RGL1: variants seen among roughly 807,000 people sequenced by gnomAD.
RGL1 encodes ral guanine nucleotide dissociation stimulator-like 1.
RGL1 carries 24 observed loss-of-function variants against 95.2 expected under a neutral mutation model. That is an observed-to-expected ratio of 0.25 (90% CI 0.18 to 0.35). RGL1 has a LOEUF of 0.35. Ranked by LOEUF, RGL1 falls within the 10% of genes least tolerant of loss-of-function variation. The pLI, the probability that RGL1 is intolerant of heterozygous loss-of-function variation, is 1.00. For synonymous variants in RGL1, 329 were observed against 344.9 expected (o/e 0.95, Z 0.51); for missense variants, 715 against 936.3 (o/e 0.76, Z 3.08).
chr1:183,880,591 G>A (rs907495200), intron 4 of RGL1, 25 bp from the exon 5 acceptor site: 2 of 1,610,638 alleles, frequency 1.2e-6, no homozygotes, highest in Non-Finnish European at 1.7e-6. Context: ...GTTGGGTGCA[G>A]TGACTCTCCA....
At chr1:183,718,236 A>G (rs1655758665) in intron 1 of RGL1, among the ~76,000 whole-genome samples, 2 of 149,074 alleles carry the variant, frequency 1.3e-5, no homozygotes, top group African/African-American at 4.9e-5. Flanking sequence ...TTGGTCTCAA[A>G]AAAAAAAAAA....
At chr1:183,809,846 ACTTGGGAGG>A (rs1289641544) in intron 2 of RGL1, among the ~76,000 whole-genome samples, 4 of 152,162 alleles carry the variant, frequency 2.6e-5, no homozygotes, top group South Asian at 4.1e-4. Flanking sequence ...AGTCCCAGCT[ACTTGGGAGG>A]CTGAGGTGGG....
intron 2 of RGL1, chr1:183,742,387 C>A: frequency 7.0e-7 from 1 of 1,422,978 alleles, no homozygotes; most frequent in Non-Finnish European, 9.8e-7. Flanking sequence ...GCCAGCTTGG[C>A]AAATCTTTAT....
intron 2 of RGL1, among the ~76,000 whole-genome samples, chr1:183,842,883 G>A (rs919657593): frequency 1.3e-5 from 2 of 152,168 alleles, no homozygotes; most frequent in African/African-American, 4.8e-5. Context: ...AGACCTATAG[G>A]AATCTTTTCT....
intron 3 of RGL1, among the ~76,000 whole-genome samples, chr1:183,853,844 G>T (rs1037176616): frequency 4.0e-5 from 6 of 151,560 alleles, no homozygotes; most frequent in Non-Finnish European, 7.4e-5. Flanking sequence ...ACCCTTTTTT[G>T]GGAATCCTTT....
At chr1:183,713,316 G>C (rs1655404341) in intron 1 of RGL1, among the ~76,000 whole-genome samples, 1 of 150,198 alleles carries the variant, frequency 6.7e-6, no homozygotes, top group Non-Finnish European at 1.5e-5. Flanking sequence ...ACTGCACCTG[G>C]CTGGGATGGA....
At chr1:183,772,892 C>A (rs1045459754) in intron 2 of RGL1, among the ~76,000 whole-genome samples, 1 of 150,980 alleles carries the variant, frequency 6.6e-6, no homozygotes, top group Non-Finnish European at 1.5e-5. Flanking sequence ...GCCTGTAGTC[C>A]CAGCTACTGG....
At chr1:183,866,398 G>A (rs1352290573) in intron 4 of RGL1, among the ~76,000 whole-genome samples, 1 of 152,202 alleles carries the variant, frequency 6.6e-6, no homozygotes, top group African/African-American at 2.4e-5. Context: ...AAGTGAAGAA[G>A]AATGAAGCAG....
Position 183,657,076 on chromosome 1 carries a change from A to C in RGL1, c.-33+20575A>C, listed in dbSNP as rs189003386. 5.2e-3 allele frequency among the ~76,000 whole-genome samples: 794 copies of C among 151,700 alleles called. 6 individuals are homozygous for C. The highest frequency in any genetic ancestry group is 0.018 in the African/African-American group (749 of 41,452). On this transcript the variant is annotated intron_variant, in intron 1 of 18. Transcript: ENST00000304685. ...TTTTGTAGTTCCATATGAATTTTAG[A>C]ATTTTTTTTATTTCTGTGAAAAATG...
intron 13 of RGL1, among the ~76,000 whole-genome samples, chr1:183,906,235 C>T (rs1370101268): frequency 1.3e-5 from 2 of 152,170 alleles, no homozygotes; most frequent in Non-Finnish European, 2.9e-5. Flanking sequence ...ATGTTGGGCA[C>T]CCTTCCCCAC....
intron 4 of RGL1, among the ~76,000 whole-genome samples, chr1:183,876,092 T>C (rs1246342416): frequency 2.0e-5 from 3 of 152,108 alleles, no homozygotes; most frequent in African/African-American, 7.2e-5. Flanking sequence ...AGGGAGATCC[T>C]CCCTAAAGCC....
upstream of RGL1, among the ~76,000 whole-genome samples, chr1:183,803,514 T>C (rs1156687999): frequency 3.3e-5 from 5 of 152,174 alleles, no homozygotes; most frequent in African/African-American, 1.2e-4. Flanking sequence ...AGCCAGGGAA[T>C]TGGAGTACAG....
At chr1:183,727,201 A>G (rs1558174878) in intron 1 of RGL1, among the ~76,000 whole-genome samples, 1 of 152,206 alleles carries the variant, frequency 6.6e-6, no homozygotes, top group Non-Finnish European at 1.5e-5. Context: ...AGGTTGCTTA[A>G]CATTACAAAA....
At chr1:183,784,931 A>C (rs932322601) in intron 2 of RGL1, among the ~76,000 whole-genome samples, 6 of 152,186 alleles carry the variant, frequency 3.9e-5, no homozygotes, top group African/African-American at 1.4e-4. Context: ...TGTGGCATAA[A>C]CTATATGAGT....
intron 1 of RGL1, among the ~76,000 whole-genome samples, chr1:183,654,143 C>G (rs993777909): frequency 2.6e-5 from 4 of 152,216 alleles, no homozygotes; most frequent in Non-Finnish European, 5.9e-5. Flanking sequence ...GTCAGACTTC[C>G]AGTCTGCACC....
chr1:183,730,497 T>C (rs1467046524), intron 1 of RGL1, among the ~76,000 whole-genome samples: 3 of 152,162 alleles, frequency 2.0e-5, no homozygotes, highest in Non-Finnish European at 2.9e-5. Context: ...GGGACTCTTA[T>C]ATTTAAAATT....
At chr1:183,745,358 T>C (rs559027286) in intron 2 of RGL1, among the ~76,000 whole-genome samples, 176 of 128,494 alleles carry the variant, frequency 1.4e-3, no homozygotes, top group African/African-American at 4.2e-3. Flanking sequence ...TATGTCTTCT[T>C]TTCTCCTTAT....
At position 183,888,361 on chromosome 1, in the gene RGL1, T is replaced by A. The variant is rs1165759345; in HGVS notation, c.952-113T>A. 3 of 679,244 alleles carry A rather than the reference T, an allele frequency of 4.4e-6. No homozygotes were observed. The Admixed American group carries it at 7.0e-5, about 16-fold the overall frequency. 42.1% of individuals were successfully genotyped at this position (679,244 alleles called of 1,614,324 possible). Reference sequence around the variant, plus strand: ...GATGTTCACTATTTATACAGCTGCCTATTTTGTGGTAAGAATTCATAGCAG... The same window carrying A: ...GATGTTCACTATTTATACAGCTGCCAATTTTGTGGTAAGAATTCATAGCAG... On this transcript the variant is annotated intron_variant, in intron 7 of 17. Transcript: ENST00000360851.
intron 2 of RGL1, among the ~76,000 whole-genome samples, chr1:183,747,374 T>G (rs1657706837): frequency 6.6e-6 from 1 of 152,228 alleles, no homozygotes; most frequent in Non-Finnish European, 1.5e-5. Flanking sequence ...GGTATCTCAT[T>G]GTATACAATG....
Sources: allele counts gnomAD v4.1 joint callset (sites outside exome capture counted in the v4.1 genomes callset), GRCh38; gene constraint gnomAD v4.1.1; transcripts MANE v1.5; gene names NCBI Gene and HGNC (gene_info 2026-07-23, HGNC 2026-07-21).